Variants in AFF1 observed in about 807,000 individuals in gnomAD.
AFF1 encodes AF4/FMR2 family member 1.
In AFF1, 48 loss-of-function variants were observed where a neutral mutation model predicts 121.7. The ratio of observed to expected loss-of-function variants is 0.39; its 90% confidence interval spans 0.31 to 0.50. The LOEUF is 0.50. Among genes scored for constraint, AFF1 ranks in the 20% least tolerant of loss-of-function variants. The pLI, the probability that AFF1 is intolerant of heterozygous loss-of-function variation, is 0.76. For synonymous variants in AFF1, 613 were observed against 563.0 expected, an observed-to-expected ratio of 1.09 and a Z score of -1.26; for missense variants, 1,523 against 1,511.7, an observed-to-expected ratio of 1.01 and a Z score of -0.12.
At chr4:87,072,188 C>G (rs899695499) in intron 4 of AFF1, among the ~76,000 whole-genome samples, 5 of 151,958 alleles carry the variant, frequency 3.3e-5, no homozygotes, top group African/African-American at 1.2e-4. Flanking sequence ...ACGGTGAAGA[C>G]CCGTCTCTAC....
intron 2 of AFF1, among the ~76,000 whole-genome samples, chr4:87,021,979 G>A (rs1402585852): frequency 6.6e-6 from 1 of 152,166 alleles, no homozygotes; most frequent in African/African-American, 2.4e-5. Context: ...GAGGCCAGCG[G>A]ATCACCTGAG....
chr4:87,050,240 T>A (rs1004723318), intron 4 of AFF1, among the ~76,000 whole-genome samples: 5 of 150,764 alleles, frequency 3.3e-5, no homozygotes, highest in Non-Finnish European at 5.9e-5. Flanking sequence ...GAAGGGGGTG[T>A]GGGAGTAGCT....
At chr4:87,133,084 A>G (rs1023123279) in intron 19 of AFF1, among the ~76,000 whole-genome samples, 13 of 152,246 alleles carry the variant, frequency 8.5e-5, no homozygotes, top group African/African-American at 2.9e-4. Context: ...CTCTCTCTGT[A>G]TGTATGGACA....
rs1729568280 is a variant in AFF1 at position 87,139,681 on chromosome 4, G to A, written c.*3980G>A. 4.4e-6 allele frequency: 1 copy of A among 228,800 alleles called. No individual in the cohort carries two copies. Among genetic ancestry groups the A allele is most frequent in the East Asian group, 6.2e-5 (1 of 16,058 alleles). The allele number at this position is 228,800 out of a possible 1,614,324, so 14.2% of individuals were successfully genotyped here. A position where few individuals can be genotyped will look rare whatever the true frequency, so the allele number is the denominator to read the frequency against. On this transcript the variant is annotated 3_prime_UTR_variant, in exon 21 of 21. Coordinates refer to ENST00000395146, the MANE Select transcript of AFF1 (RefSeq NM_001166693.3). ...GTTTTGGGTCCCACTTAGGATTAAT[G>A]GATGTAAGGTATTTTCCTGTGCCTT...
chr4:87,123,790 G>A (rs1700747545), intron 12 of AFF1, among the ~76,000 whole-genome samples: 4 of 152,186 alleles, frequency 2.6e-5, no homozygotes, highest in Admixed American at 2.6e-4. Flanking sequence ...TTAAACTCGG[G>A]AGGAGAGGAA....
intron 1 of AFF1, chr4:86,935,533 A>C (rs1719904114): frequency 6.6e-6 from 1 of 152,248 alleles, no homozygotes; most frequent in Admixed American, 6.5e-5. Flanking sequence ...GCAGCCCCCA[A>C]GTCAGACGTT....
chr4:86,942,762 G>A (rs1050253087), intron 1 of AFF1, among the ~76,000 whole-genome samples: 4 of 152,144 alleles, frequency 2.6e-5, no homozygotes, highest in Non-Finnish European at 5.9e-5. Context: ...CCTTGAATAT[G>A]AATGAGATCT....
chr4:87,100,903 T>C (rs1350700218), intron 8 of AFF1, among the ~76,000 whole-genome samples: 2 of 152,242 alleles, frequency 1.3e-5, no homozygotes, highest in African/African-American at 4.8e-5. Context: ...TTTCCTTATT[T>C]GACATCAGAT....
At chr4:87,018,374 A>G (rs1436047373) in intron 2 of AFF1, among the ~76,000 whole-genome samples, 2 of 152,234 alleles carry the variant, frequency 1.3e-5, no homozygotes, top group African/African-American at 2.4e-5. Flanking sequence ...AGGGAATAAT[A>G]GGGGGTGGGG....
chr4:87,102,045 T>G (rs1315665200), intron 8 of AFF1, among the ~76,000 whole-genome samples: 1 of 149,896 alleles, frequency 6.7e-6, no homozygotes, highest in Non-Finnish European at 1.5e-5. Context: ...TATGTGGCTC[T>G]TTAAGCTTTG....
chr4:87,015,340 C>T (rs1056539378), intron 2 of AFF1, among the ~76,000 whole-genome samples: 6 of 152,118 alleles, frequency 3.9e-5, no homozygotes, highest in Non-Finnish European at 5.9e-5. Flanking sequence ...AAAAATTAGG[C>T]AGTAACATTT....
At chr4:86,978,986 T>A (rs938438315) in intron 2 of AFF1, among the ~76,000 whole-genome samples, 2 of 152,308 alleles carry the variant, frequency 1.3e-5, no homozygotes, top group Admixed American at 6.5e-5. Flanking sequence ...AGAAAACTAT[T>A]CCTCTAGTGG....
chr4:87,087,825 C>T (rs1424827172), intron 5 of AFF1, among the ~76,000 whole-genome samples: 1 of 152,108 alleles, frequency 6.6e-6, no homozygotes, highest in African/African-American at 2.4e-5. Flanking sequence ...TATTGAAAAA[C>T]ATAAGGGTGA....
chr4:87,056,585 T>C (rs1405175285), intron 4 of AFF1, among the ~76,000 whole-genome samples: 1 of 152,224 alleles, frequency 6.6e-6, no homozygotes, highest in African/African-American at 2.4e-5. Flanking sequence ...TATTAAATAA[T>C]CTGAACATTC....
At position 87,046,994 on chromosome 4, in the gene AFF1, C is replaced by T; in HGVS notation, c.459C>T (p.Leu153=). Residue 153 remains leucine (L), a synonymous_variant, in exon 4 of 21, where the codon CTC becomes CTT. Transcript: ENST00000395146. ...AQPRTEPMPS[L]HAKSCGPPDS... ...CAAGAACTGAACCAATGCCAAGTCT[C>T]CATGCCAAAAGCTGCGGCCCACCGG... 1 of 1,614,186 alleles carries T rather than the reference C, an allele frequency of 6.2e-7. No homozygotes were observed. Among genetic ancestry groups the T allele is most frequent in the Non-Finnish European group, 8.5e-7 (1 of 1,180,036 alleles).
chr4:86,964,128 GTT>G (rs571643813), intron 2 of AFF1, among the ~76,000 whole-genome samples: 5 of 132,028 alleles, frequency 3.8e-5, no homozygotes, highest in Non-Finnish European at 3.3e-5. Context: ...TGTTCTTTTG[GTT>G]TTTTTTTTTT....
intron 2 of AFF1, among the ~76,000 whole-genome samples, chr4:87,003,735 A>G (rs1389587123): frequency 6.6e-6 from 1 of 152,244 alleles, no homozygotes; most frequent in Non-Finnish European, 1.5e-5. Context: ...AAATGATCAC[A>G]GTCAATATAG....
chr4:87,106,905 A>T (rs1454509770), intron 10 of AFF1, among the ~76,000 whole-genome samples: 1 of 152,242 alleles, frequency 6.6e-6, no homozygotes, highest in Non-Finnish European at 1.5e-5. Flanking sequence ...TTGTTCAATT[A>T]TATCTTATTT....
intron 2 of AFF1, among the ~76,000 whole-genome samples, chr4:87,028,965 C>G (rs1270233012): frequency 6.6e-6 from 1 of 152,052 alleles, no homozygotes; most frequent in African/African-American, 2.4e-5. Flanking sequence ...TATTTCATGG[C>G]CAGGGCTCTC....
Sources: allele counts gnomAD v4.1 joint callset (sites outside exome capture counted in the v4.1 genomes callset), GRCh38; gene constraint gnomAD v4.1.1; transcripts MANE v1.5; gene names NCBI Gene and HGNC (gene_info 2026-07-23, HGNC 2026-07-21).